The following CLPTM1 variants were observed in gnomAD, a reference collection of about 807,000 sequenced individuals.
The protein encoded by CLPTM1 is CLPTM1 regulator of GABA type A receptor forward trafficking.
In CLPTM1, 21 loss-of-function variants were observed where a neutral mutation model predicts 77.3. The ratio of observed to expected loss-of-function variants is 0.27; its 90% CI spans 0.19 to 0.39. The LOEUF (loss-of-function observed/expected upper bound fraction) is 0.39. CLPTM1 is among the 10% of genes least tolerant of loss of function. The pLI is 1.00. For synonymous variants in CLPTM1, 373 were observed against 381.0 expected (o/e 0.98, Z 0.24); for missense variants, 642 against 921.2 (o/e 0.70, Z 3.92).
intron 5 of CLPTM1, among the ~76,000 whole-genome samples, chr19:44,979,432 A>G (rs948450742): frequency 3.3e-5 from 5 of 152,090 alleles, no homozygotes; most frequent in Non-Finnish European, 5.9e-5. Context: ...TACTCCACCT[A>G]GCTTTCACTT....
upstream of CLPTM1, chr19:44,954,842 G>T (rs1157768977): frequency 8.3e-7 from 1 of 1,201,170 alleles, no homozygotes; most frequent in Admixed American, 2.8e-5. Flanking sequence ...AAGGATATGA[G>T]CTCAGGAGAC....
At chr19:44,956,433 T>C (rs1463017145) in intron 1 of CLPTM1, among the ~76,000 whole-genome samples, 1 of 152,082 alleles carries the variant, frequency 6.6e-6, no homozygotes, top group Admixed American at 6.6e-5. Context: ...AATGATTAGG[T>C]TGGTGACAAA....
At chr19:44,978,627 C>T (rs56803710) in intron 5 of CLPTM1, among the ~76,000 whole-genome samples, 43,385 of 151,736 alleles carry the variant, frequency 0.29, 6,517 homozygotes, top group East Asian at 0.47. Context: ...AGCAAGTCCA[C>T]GTCTCTGAAA....
chr19:44,958,023 C>T (rs543472481), intron 1 of CLPTM1, among the ~76,000 whole-genome samples: 2 of 151,838 alleles, frequency 1.3e-5, no homozygotes, highest in East Asian at 3.9e-4. Flanking sequence ...GATGGCTCTG[C>T]GTGCCATGGA....
In CLPTM1 at chr19:44,993,230, G is replaced by A. The variant is rs1479191557; in HGVS notation, c.*333G>A. On this transcript the variant is annotated 3_prime_UTR_variant, in exon 14 of 14. Coordinates refer to ENST00000337392, the MANE Select transcript of CLPTM1 (RefSeq NM_001294.4). Reference sequence around the variant, plus strand: ...CCGGGCCCCCCTACGGGATGCCCACGGCCGTTCATCATCTTGTCCCTCGTC... The same window carrying A: ...CCGGGCCCCCCTACGGGATGCCCACAGCCGTTCATCATCTTGTCCCTCGTC... 19 of 538,306 alleles carry A rather than the reference G, an allele frequency of 3.5e-5. No individual in the cohort carries two copies. Among genetic ancestry groups the A allele is most frequent in the Non-Finnish European group, 5.3e-5 (15 of 281,910 alleles). 33.3% of individuals were successfully genotyped at this position (538,306 alleles called of 1,614,324 possible). A position where few individuals can be genotyped will look rare whatever the true frequency, so the allele number is the denominator to read the frequency against.
chr19:44,985,347 C>T, intron 6 of CLPTM1, 44 bp downstream of exon 6: 1 of 1,322,432 alleles, frequency 7.6e-7, no homozygotes, highest in Non-Finnish European at 1.1e-6. Context: ...CCAAGCCAGG[C>T]CATTCACAGC....
chr19:44,970,343 G>A (rs1970698426), intron 2 of CLPTM1, among the ~76,000 whole-genome samples: 1 of 145,718 alleles, frequency 6.9e-6, no homozygotes, highest in Admixed American at 6.7e-5. Context: ...TGGGGTCTTA[G>A]TTTCCTATAG....
chr19:44,960,017 C>T (rs1453380897), intron 1 of CLPTM1, among the ~76,000 whole-genome samples: 1 of 152,148 alleles, frequency 6.6e-6, no homozygotes, highest in East Asian at 1.9e-4. Flanking sequence ...CTTTCCTGAC[C>T]CCAAATCAGC....
chr19:44,966,935 A>G (rs144688912), intron 2 of CLPTM1, among the ~76,000 whole-genome samples: 18,714 of 151,630 alleles, frequency 0.12, 1,265 homozygotes, highest in South Asian at 0.24. Context: ...TCCGCCTCCT[A>G]GGTTCACGCC....
chr19:44,959,646 G>T (rs141060742), intron 1 of CLPTM1, among the ~76,000 whole-genome samples: 1 of 152,190 alleles, frequency 6.6e-6, no homozygotes, highest in Non-Finnish European at 1.5e-5. Flanking sequence ...GAGCCACTGC[G>T]CCTGGTCTGG....
rs759161389 is a variant in CLPTM1 at position 44,977,293 on chromosome 19, C to T, written c.469-50C>T. 5.1e-6 allele frequency: 7 copies of T among 1,373,262 alleles called. No homozygotes were observed. In the South Asian group the frequency reaches 8.1e-5, roughly 16 times the overall value. 85.1% of individuals were successfully genotyped at this position (1,373,262 alleles called of 1,614,324 possible). On this transcript the variant is annotated intron_variant, in intron 4 of 13. Transcript: ENST00000337392. ...GGTGCCAGGCAGGGCTTTAACGTTT[C>T]CCTCACCCCAGTTGCCCAGCCTGCC...
chr19:44,971,507 C>T (rs1162407758), intron 2 of CLPTM1, among the ~76,000 whole-genome samples: 1 of 152,134 alleles, frequency 6.6e-6, no homozygotes, highest in Admixed American at 6.6e-5. Flanking sequence ...GTTGCTCTTT[C>T]TAAGCTTCTG....
At chr19:44,959,644 G>A (rs1296340090) in intron 1 of CLPTM1, among the ~76,000 whole-genome samples, 1 of 152,222 alleles carries the variant, frequency 6.6e-6, no homozygotes, top group Admixed American at 6.5e-5. Context: ...GTGAGCCACT[G>A]CGCCTGGTCT....
chr19:44,961,488 A>G (rs969517714), intron 1 of CLPTM1, among the ~76,000 whole-genome samples: 1 of 152,192 alleles, frequency 6.6e-6, no homozygotes, highest in African/African-American at 2.4e-5. Context: ...CAGTCATCAG[A>G]ATCAGACTGT....
chr19:44,955,267 T>A, upstream of CLPTM1: 1 of 1,465,176 alleles, frequency 6.8e-7, no homozygotes, highest in Non-Finnish European at 9.0e-7. Context: ...CTGAGAGGCG[T>A]GGCTGCGGCA....
rs1292121978 is a variant in CLPTM1 at position 44,990,320 on chromosome 19, G to A, written c.1133-75G>A. 12 of 1,495,418 alleles carry A rather than the reference G, an allele frequency of 8.0e-6. No individual in the cohort carries two copies. Among genetic ancestry groups the A allele is most frequent in the Non-Finnish European group, 1.1e-5 (12 of 1,090,518 alleles). The allele number at this position is 1,495,418 out of a possible 1,614,324, so 92.6% of individuals were successfully genotyped here. On this transcript the variant is annotated intron_variant, in intron 9 of 13. Coordinates refer to ENST00000337392, the MANE Select transcript of CLPTM1 (RefSeq NM_001294.4). This position sits in a 1 kb window ranked among gnomAD's most constrained non-coding sequence, Gnocchi z 4.8. ...CCCAGGGTGTGAGGATGCAGGCCAA[G>A]GGGGCCTGAGGGAGCTGCAGTAGGG...
chr19:44,975,620 A>G (rs1970794467), intron 4 of CLPTM1, among the ~76,000 whole-genome samples: 1 of 151,796 alleles, frequency 6.6e-6, no homozygotes, highest in Non-Finnish European at 1.5e-5. Flanking sequence ...TCTGGAGGGC[A>G]GTGGCGCAAC....
At chr19:44,958,493 T>C (rs1350001430) in intron 1 of CLPTM1, among the ~76,000 whole-genome samples, 2 of 151,936 alleles carry the variant, frequency 1.3e-5, no homozygotes, top group East Asian at 3.9e-4. Context: ...TACCTCAGCC[T>C]CTCAAGTAGC....
At chr19:44,989,579 G>A (rs1461146669) in intron 9 of CLPTM1, among the ~76,000 whole-genome samples, 1 of 152,066 alleles carries the variant, frequency 6.6e-6, no homozygotes, top group Non-Finnish European at 1.5e-5. Flanking sequence ...GGAGCTCTGG[G>A]ATGTGGGGGA....
Sources: allele counts gnomAD v4.1 joint callset (sites outside exome capture counted in the v4.1 genomes callset), GRCh38; gene constraint gnomAD v4.1.1; non-coding constraint Gnocchi (gnomAD v3.1); transcripts MANE v1.5; gene names NCBI Gene and HGNC (gene_info 2026-07-23, HGNC 2026-07-21).